Variants in PDZD2 observed in about 807,000 individuals in gnomAD.
The protein encoded by PDZD2 is PDZ domain containing 2.
A neutral mutation model predicts 220.7 loss-of-function variants in PDZD2; 90 were observed. That is an observed-to-expected ratio of 0.41 (90% CI 0.34 to 0.49). The LOEUF is 0.49. Among genes scored for constraint, PDZD2 ranks in the 20% least tolerant of loss-of-function variants. PDZD2 has a pLI of 0.28. For synonymous variants in PDZD2, 1,375 were observed against 1,450.5 expected, an observed-to-expected ratio of 0.95 and a Z score of 1.18; for missense variants, 3,174 against 3,608.5, an observed-to-expected ratio of 0.88 and a Z score of 3.08.
At position 32,010,363 on chromosome 5, in the gene PDZD2, T is replaced by C. The variant is rs1016512721; in HGVS notation, c.1288T>C (p.Ser430Pro). 6.8e-6 allele frequency: 11 copies of C among 1,611,430 alleles called. No individual in the cohort carries two copies. Among genetic ancestry groups the C allele is most frequent in the South Asian group, 5.5e-5 (5 of 90,998 alleles). The change falls in exon 6 of 25, where the codon TCT becomes CCT. Residue 430 changes from serine (S) to proline (P), a missense_variant. Physicochemically the swap from Ser to Pro is moderately conservative, Grantham distance 74 (BLOSUM62 -1). Around this residue, in one of 4 missense-constraint regions of PDZD2, gnomAD observed 632 missense variants for 708.1 expected, o/e 0.89. Coordinates refer to ENST00000438447, the MANE Select transcript of PDZD2 (RefSeq NM_178140.4). ...CGCAGAGGACCTCCTCAGGTTAACA[T>C]CTAAGAGCTTGCCAGATCTGACCAG... ...NSAEDLLRLT[S>P]KSLPDLTSSV...
chr5:31,992,540 A>T (rs1456385424), intron 3 of PDZD2, among the ~76,000 whole-genome samples: 1 of 152,232 alleles, frequency 6.6e-6, no homozygotes, highest in African/African-American at 2.4e-5. Flanking sequence ...AAAATTAGAA[A>T]GGAATGTACC....
rs1199304322 is a variant in PDZD2 at position 32,101,011 on chromosome 5, C to T, written c.8219-94C>T. 7 of 1,590,822 alleles carry T rather than the reference C, an allele frequency of 4.4e-6. No individual in the cohort carries two copies. In the African/African-American group the frequency reaches 8.1e-5, roughly 18 times the overall value. ...ATGGGACTTGAGTGTGCCAGAAGTA[C>T]ATGGGGCTGGAGGCGATGCATCCTG... On this transcript the variant is annotated intron_variant, in intron 23 of 24. Transcript: ENST00000438447.
At chr5:31,971,574 T>G (rs1749301065) in intron 2 of PDZD2, among the ~76,000 whole-genome samples, 1 of 152,212 alleles carries the variant, frequency 6.6e-6, no homozygotes, top group Non-Finnish European at 1.5e-5. Context: ...TGTCTCTAGC[T>G]TCATAATTGA....
chr5:31,940,002 G>C (rs528488573), intron 2 of PDZD2, among the ~76,000 whole-genome samples: 2 of 152,326 alleles, frequency 1.3e-5, no homozygotes, highest in South Asian at 4.1e-4. Flanking sequence ...TCAGTGGCCA[G>C]CAGAGGATTC....
At chr5:31,707,298 T>A (rs59787967) in intron 1 of PDZD2, among the ~76,000 whole-genome samples, 7,971 of 103,324 alleles carry the variant, frequency 0.077, 271 homozygotes, top group African/African-American at 0.17. Flanking sequence ...AACTTAAAGT[T>A]TAATAAATAA....
intron 2 of PDZD2, among the ~76,000 whole-genome samples, chr5:31,925,685 A>G (rs1285721320): frequency 1.3e-5 from 2 of 152,154 alleles, no homozygotes; most frequent in African/African-American, 4.8e-5. Context: ...ACGGAATGGG[A>G]TAAAATATTT....
chr5:31,885,216 T>C (rs1052866980), intron 2 of PDZD2, among the ~76,000 whole-genome samples: 5 of 144,204 alleles, frequency 3.5e-5, no homozygotes, highest in African/African-American at 1.3e-4. Flanking sequence ...ATCAGAGAAA[T>C]GCCAATCAAA....
chr5:31,798,105 C>A (rs896322687), intron 1 of PDZD2, among the ~76,000 whole-genome samples: 1 of 152,136 alleles, frequency 6.6e-6, no homozygotes, highest in African/African-American at 2.4e-5. Context: ...CTGGTGGGAG[C>A]CGCTGGCCCT....
At chr5:31,709,737 T>C (rs805216) in intron 1 of PDZD2, among the ~76,000 whole-genome samples, 34,796 of 152,168 alleles carry the variant, frequency 0.23, 4,375 homozygotes, top group East Asian at 0.39. Flanking sequence ...AGGTGTGTCA[T>C]CTGAGGCCAG....
At chr5:31,640,982 A>G (rs890347512) in intron 1 of PDZD2, among the ~76,000 whole-genome samples, 1 of 152,092 alleles carries the variant, frequency 6.6e-6, no homozygotes, top group Non-Finnish European at 1.5e-5. Context: ...AAAAATATTG[A>G]ATTATACTTT....
chr5:31,850,246 A>AT, intron 2 of PDZD2, among the ~76,000 whole-genome samples: 1 of 126,766 alleles, frequency 7.9e-6, no homozygotes, highest in Non-Finnish European at 1.8e-5. Flanking sequence ...ATATATATAC[A>AT]CACACACACA....
intron 2 of PDZD2, among the ~76,000 whole-genome samples, chr5:31,952,686 G>T (rs1171821836): frequency 1.3e-5 from 2 of 152,074 alleles, no homozygotes; most frequent in African/African-American, 4.8e-5. Flanking sequence ...ATCTGAAAAA[G>T]AATTTATTTG....
chr5:31,770,469 T>A lies in PDZD2; in HGVS notation c.-360-28420T>A, dbSNP rs1007969619. 3.9e-5 allele frequency among the ~76,000 whole-genome samples: 6 copies of A among 152,182 alleles called. No homozygotes were observed. The South Asian group carries it at 1.2e-3, about 32-fold the overall frequency. On this transcript the variant is annotated intron_variant, in intron 1 of 24. Coordinates refer to ENST00000438447, the MANE Select transcript of PDZD2 (RefSeq NM_178140.4). ...CTGAGGTTGCAGAATTCATCCTGAG[T>A]AGCTGCCATCCCAGGTCACCCCTGA... is the stretch of plus-strand genomic sequence containing the variant.
chr5:32,087,982 C>T lies in PDZD2; in HGVS notation c.4534C>T (p.His1512Tyr). Reference sequence around the variant, plus strand: ...TTTAGATTCAATTAATCCCGACAAACATTTTACTGTGAACAAAAACTTTCT... The same window carrying T: ...TTTAGATTCAATTAATCCCGACAAATATTTTACTGTGAACAAAAACTTTCT... ...SVLDSINPDK[H>Y]FTVNKNFLSN... The change falls in exon 20 of 25, where the codon CAT becomes TAT. Residue 1512 changes from histidine to tyrosine, a missense_variant. By Grantham distance (83) the His-to-Tyr change is moderately conservative (BLOSUM62 2). This residue lies in a region of PDZD2 where 1,861 missense variants were observed against 2,001.0 expected (regional missense o/e 0.93). Transcript: ENST00000438447. This position sits in a 1 kb window ranked among gnomAD's most constrained non-coding sequence, Gnocchi z 4.0. 1 of 1,614,220 alleles carries T rather than the reference C, an allele frequency of 6.2e-7. No homozygotes were observed. Among genetic ancestry groups the T allele is most frequent in the Admixed American group, 1.7e-5 (1 of 60,036 alleles).
At chr5:31,822,667 G>T in intron 2 of PDZD2, 1 of 1,326,458 alleles carries the variant, frequency 7.5e-7, no homozygotes, top group South Asian at 1.2e-5. Context: ...CAAAGCCACT[G>T]AATTTGAAAC....
chr5:31,991,688 C>G (rs1373242905), intron 3 of PDZD2, among the ~76,000 whole-genome samples: 1 of 152,152 alleles, frequency 6.6e-6, no homozygotes, highest in Admixed American at 6.5e-5. Context: ...ATATCAGACA[C>G]TGATTTATTT....
At position 32,057,972 on chromosome 5, in the gene PDZD2, C is replaced by T; in HGVS notation, c.2069C>T (p.Ser690Phe). Residue 690 changes from serine to phenylalanine, a missense_variant, in exon 12 of 25, where the codon TCC becomes TTC. This residue lies in a region of PDZD2 where 1,861 missense variants were observed against 2,001.0 expected (regional missense o/e 0.93). Transcript: ENST00000438447. Reference protein sequence around the residue: ...PCSTPTHMSRSASPNFNTSGG... With the variant: ...PCSTPTHMSRFASPNFNTSGG... ...TCGACACCCACACACATGAGCAGAT[C>T]CGCCTCCCCGAACTTCAATACCAGT... The T allele has an allele frequency of 6.2e-7, 1 of 1,613,684 alleles. No individual in the cohort carries two copies. The highest frequency in any genetic ancestry group is 2.2e-5 in the East Asian group (1 of 44,864).
intron 2 of PDZD2, among the ~76,000 whole-genome samples, chr5:31,948,758 A>G (rs940194080): frequency 7.9e-5 from 12 of 152,168 alleles, no homozygotes; most frequent in African/African-American, 2.9e-4. Flanking sequence ...TAACAGTCCC[A>G]GCTTTGAATG....
In PDZD2 at chr5:31,672,142, A is replaced by G. The variant is rs190548755; in HGVS notation, c.-361+32705A>G. ...TTGCCAGGCATACCCTAGGAGGCAAAATCACTCCACCTCGAGAACGACTGT... is the reference window on the plus strand; with the variant it reads ...TTGCCAGGCATACCCTAGGAGGCAAGATCACTCCACCTCGAGAACGACTGT... On this transcript the variant is annotated intron_variant, in intron 1 of 24. Transcript: ENST00000438447. Among the ~76,000 whole-genome samples the G allele has an allele frequency of 4.3e-4, 65 of 152,264 alleles. 1 individual carries two copies. The highest frequency in any genetic ancestry group is 8.2e-4 in the Non-Finnish European group (56 of 67,988).
Sources: allele counts gnomAD v4.1 joint callset (sites outside exome capture counted in the v4.1 genomes callset), GRCh38; gene constraint gnomAD v4.1.1; regional missense constraint gnomAD v4.1.1; non-coding constraint Gnocchi (gnomAD v3.1); transcripts MANE v1.5; gene names NCBI Gene and HGNC (gene_info 2026-07-23, HGNC 2026-07-21).